The following SLC47A2 variants were observed in gnomAD, a reference collection of about 807,000 sequenced individuals.
SLC47A2 encodes the protein multidrug and toxin extrusion protein 2.
SLC47A2 carries 52 observed loss-of-function variants against 67.7 expected under a neutral mutation model. That is an observed-to-expected ratio of 0.77 (90% CI 0.61 to 0.97). SLC47A2 has a LOEUF of 0.97. SLC47A2 is among the 50% of genes least tolerant of loss of function. The probability of loss-of-function intolerance (pLI) is 0.00; values close to 1 mark genes in which losing one functional copy is unlikely to be tolerated. For missense variants in SLC47A2, 676 were observed against 712.3 expected, an observed-to-expected ratio of 0.95 and a Z score of 0.58; for synonymous variants, 278 against 292.9, an observed-to-expected ratio of 0.95 and a Z score of 0.52.
At chr17:19,697,789 C>A (rs1204889951) in intron 13 of SLC47A2, among the ~76,000 whole-genome samples, 1 of 149,020 alleles carries the variant, frequency 6.7e-6, no homozygotes, top group Non-Finnish European at 1.5e-5. Flanking sequence ...GAGATGGTAT[C>A]TTGCCATGTC....
intron 13 of SLC47A2, among the ~76,000 whole-genome samples, chr17:19,694,194 G>T (rs1478325342): frequency 6.6e-6 from 1 of 152,138 alleles, no homozygotes; most frequent in Admixed American, 6.5e-5. Flanking sequence ...TGACAGTTCT[G>T]TCCAAATTGA....
At position 19,685,166 on chromosome 17, in the gene SLC47A2, AGTGCAG is replaced by A. The variant is rs773665370; in HGVS notation, c.1165-3502_1165-3497del. The stretch of plus-strand genomic sequence containing the variant: ...CAATGCTCAATGTTGCCCAGGCTGG[AGTGCAG>A]TGGCGTGATCTCGGCTTGCTACAAC... On this transcript the variant is annotated intron_variant, in intron 13 of 16. Coordinates refer to ENST00000433844, the MANE Select transcript of SLC47A2 (RefSeq NM_001099646.3). The surrounding 1 kb of genome is among the most constrained non-coding windows in gnomAD (Gnocchi z 4.5). Among the ~76,000 whole-genome samples the A allele has an allele frequency of 4.1e-4, 62 of 152,200 alleles. No homozygotes were observed. Among genetic ancestry groups the A allele is most frequent in the Non-Finnish European group, 7.1e-4 (48 of 68,006 alleles).
At chr17:19,688,125 C>T (rs979063339) in intron 13 of SLC47A2, among the ~76,000 whole-genome samples, 2 of 151,974 alleles carry the variant, frequency 1.3e-5, no homozygotes, top group Admixed American at 6.6e-5. Context: ...AACATTGATA[C>T]AAAAATTCTC....
At chr17:19,703,610 C>G (rs757977250) in intron 11 of SLC47A2, among the ~76,000 whole-genome samples, 1 of 152,250 alleles carries the variant, frequency 6.6e-6, no homozygotes, top group Non-Finnish European at 1.5e-5. Context: ...TCTCAGAAAG[C>G]ACAGCCATGA....
rs1412976202 is a variant in SLC47A2, at chr17:19,685,817, AAAT to A, written c.1165-4150_1165-4148del. On this transcript the variant is annotated intron_variant, in intron 13 of 16. Transcript: ENST00000433844. The surrounding 1 kb of genome is among the most constrained non-coding windows in gnomAD (Gnocchi z 4.5). The stretch of plus-strand genomic sequence containing the variant: ...ATCAATAAATACTAAATAAATAAAT[AAAT>A]AAATAAACTACTTTTCAAGACATAG... 6.6e-6 allele frequency among the ~76,000 whole-genome samples: 1 copy of A among 152,214 alleles called. No individual in the cohort carries two copies. Among genetic ancestry groups the A allele is most frequent in the Non-Finnish European group, 1.5e-5 (1 of 68,044 alleles).
upstream of SLC47A2, chr17:19,717,503 CAGGAGAAGG>C (rs1567642089): frequency 6.5e-6 from 1 of 152,738 alleles, no homozygotes; most frequent in Non-Finnish European, 1.5e-5. Flanking sequence ...TGGTTCAGCC[CAGGAGAAGG>C]AGGAGTGAGC....
intron 3 of SLC47A2, chr17:19,714,436 G>T: frequency 1.9e-6 from 1 of 530,256 alleles, no homozygotes; most frequent in Non-Finnish European, 3.4e-6. Flanking sequence ...TGAGGCTGGG[G>T]AACCGGTTGT....
chr17:19,699,020 G>A (rs973946437), intron 13 of SLC47A2, among the ~76,000 whole-genome samples: 2 of 152,128 alleles, frequency 1.3e-5, no homozygotes, highest in Non-Finnish European at 2.9e-5. Flanking sequence ...GTGGATTTTG[G>A]TACCTTGCGG....
intron 13 of SLC47A2, among the ~76,000 whole-genome samples, chr17:19,684,539 T>C (rs1354472630): frequency 1.3e-5 from 2 of 151,806 alleles, no homozygotes; most frequent in Non-Finnish European, 2.9e-5. Context: ...AAACTATACC[T>C]AAATGAAGTA....
rs912835226 is a variant in SLC47A2 at position 19,716,421 on chromosome 17, C to G, written c.123+12G>C. On this transcript the variant is annotated intron_variant, in intron 1 of 16. Transcript: ENST00000433844. ...TCCACTCCCTACCTGCCCCCCAGCT[C>G]CTCCTCCTTACCAGGGGTCCAGAAA... 5.0e-6 allele frequency: 8 copies of G among 1,605,934 alleles called. No homozygotes were observed. The highest frequency in any genetic ancestry group is 6.8e-6 in the Non-Finnish European group (8 of 1,176,552).
chr17:19,714,062 G>A, intron 3 of SLC47A2, 89 bp from the exon 4 acceptor site: 1 of 1,497,648 alleles, frequency 6.7e-7, no homozygotes, highest in Non-Finnish European at 8.9e-7. Context: ...AGCGGCGCCA[G>A]CGGTGTGTGG....
At chr17:19,687,551 C>A (rs1380746956) in intron 13 of SLC47A2, among the ~76,000 whole-genome samples, 5 of 150,488 alleles carry the variant, frequency 3.3e-5, no homozygotes, top group Non-Finnish European at 7.4e-5. Context: ...TACAAAAGAT[C>A]AATGAAATGA....
chr17:19,705,983 G>T (rs753000551), intron 9 of SLC47A2, among the ~76,000 whole-genome samples: 1 of 152,132 alleles, frequency 6.6e-6, no homozygotes, highest in Non-Finnish European at 1.5e-5. Flanking sequence ...TCTGCCCAGT[G>T]CCCCGGAGGC....
At chr17:19,679,858 T>C in intron 16 of SLC47A2, 94 bp downstream of exon 16, 2 of 1,259,186 alleles carry the variant, frequency 1.6e-6, no homozygotes, top group Non-Finnish European at 1.1e-6. Flanking sequence ...GCTTGTACAA[T>C]TTCCAATTGC....
chr17:19,689,860 G>A (rs1174316124), intron 13 of SLC47A2, among the ~76,000 whole-genome samples: 1 of 152,130 alleles, frequency 6.6e-6, no homozygotes, highest in Non-Finnish European at 1.5e-5. Context: ...GCATTCTACA[G>A]ATTCAATGTA....
intron 9 of SLC47A2, 35 bp downstream of exon 9, chr17:19,706,613 A>G: frequency 6.5e-7 from 1 of 1,526,830 alleles, no homozygotes; most frequent in East Asian, 2.5e-5. Context: ...TGAGCCGCCC[A>G]CACGCCATTG....
At chr17:19,682,827 A>T (rs897048702) in intron 13 of SLC47A2, among the ~76,000 whole-genome samples, 1 of 152,208 alleles carries the variant, frequency 6.6e-6, no homozygotes, top group African/African-American at 2.4e-5. Context: ...GTCTGTGATT[A>T]TGTCTCATCT....
intron 13 of SLC47A2, among the ~76,000 whole-genome samples, chr17:19,693,203 A>G (rs1296345494): frequency 1.3e-5 from 2 of 152,178 alleles, no homozygotes; most frequent in Non-Finnish European, 2.9e-5. Flanking sequence ...CAGCATATTA[A>G]TAAAGAACAA....
chr17:19,698,251 T>C (rs2085709200), intron 13 of SLC47A2, among the ~76,000 whole-genome samples: 1 of 152,236 alleles, frequency 6.6e-6, no homozygotes, highest in Non-Finnish European at 1.5e-5. Context: ...CACAAGGTCT[T>C]GTCTGTTGCA....
Sources: gnomAD v4.1 joint callset for allele counts (sites outside exome capture counted in the v4.1 genomes callset) on GRCh38, gnomAD v4.1.1 for gene constraint, Gnocchi (gnomAD v3.1) non-coding constraint, MANE v1.5 for transcripts, NCBI Gene and HGNC (gene_info 2026-07-23, HGNC 2026-07-21) for gene names.